The following PPP1R13B variants were observed in gnomAD, a reference collection of about 807,000 sequenced individuals.
The protein encoded by PPP1R13B is protein phosphatase 1 regulatory subunit 13B.
A neutral mutation model predicts 119.8 loss-of-function variants in PPP1R13B; 44 were observed. The observed-to-expected ratio is 0.37, with a 90% CI of 0.29 to 0.47. PPP1R13B has a LOEUF of 0.47. Among genes scored for constraint, PPP1R13B ranks in the 20% least tolerant of loss-of-function variants. The probability of loss-of-function intolerance (pLI) is 0.99; values close to 1 mark genes in which losing one functional copy is unlikely to be tolerated. For missense variants in PPP1R13B, 1,227 were observed against 1,413.5 expected, an observed-to-expected ratio of 0.87 and a Z score of 2.12; for synonymous variants, 542 against 561.5, an observed-to-expected ratio of 0.97 and a Z score of 0.49.
intron 1 of PPP1R13B, among the ~76,000 whole-genome samples, chr14:103,824,369 C>T (rs2086486788): frequency 6.8e-6 from 1 of 147,372 alleles, no homozygotes; most frequent in South Asian, 2.2e-4. Context: ...AAGGCTATTT[C>T]TCTATATGAT....
At chr14:103,847,576 G>A (rs1357974044), upstream of PPP1R13B, 30 of 984,598 alleles carry the variant, frequency 3.0e-5, no homozygotes, top group South Asian at 1.1e-3. Flanking sequence ...CCGACAGCCT[G>A]CGGCCCGCCC....
At chr14:103,848,263 T>C, upstream of PPP1R13B, 1 of 985,418 alleles carries the variant, frequency 1.0e-6, no homozygotes, top group Non-Finnish European at 1.2e-6. Flanking sequence ...CTGTGCCACC[T>C]GTGCCCACCT....
chr14:103,805,268 G>A (rs1195652283), intron 1 of PPP1R13B, among the ~76,000 whole-genome samples: 1 of 152,094 alleles, frequency 6.6e-6, no homozygotes, highest in Non-Finnish European at 1.5e-5. Flanking sequence ...ACTGTTCATA[G>A]TAGCCAAAAA....
chr14:103,770,003 C>T (rs1425072611), intron 4 of PPP1R13B, among the ~76,000 whole-genome samples: 1 of 152,048 alleles, frequency 6.6e-6, no homozygotes, highest in Admixed American at 6.5e-5. Context: ...ATACTAGCTC[C>T]CTATCCCCTG....
rs376523055 is a variant in PPP1R13B at position 103,742,202 on chromosome 14, A to G, written c.1410T>C (p.Pro470=). The G allele has an allele frequency of 7.0e-5, 113 of 1,603,362 alleles. No homozygotes were observed. Among genetic ancestry groups the G allele is most frequent in the Non-Finnish European group, 9.4e-5 (111 of 1,179,904 alleles). The change falls in exon 11 of 17, where the codon CCT becomes CCC. Residue 470 remains proline (P), a synonymous_variant. Transcript: ENST00000202556. The surrounding 1 kb of genome is among the most constrained non-coding windows in gnomAD (Gnocchi z 4.9). ...PSYGTYPSPT[P]LGPGSTSSLE... is the part of the protein sequence containing the mutation. The stretch of plus-strand genomic sequence containing the variant: ...GGGAGCTTGTCGACCCAGGACCCAG[A>G]GGTGTAGGACTTGGGTATGTCCCAT...
At chr14:103,791,812 T>C (rs1379517079) in intron 2 of PPP1R13B, among the ~76,000 whole-genome samples, 1 of 152,236 alleles carries the variant, frequency 6.6e-6, no homozygotes, top group Non-Finnish European at 1.5e-5. Context: ...TATACACATA[T>C]GCCTATAAAA....
rs139396834 is a variant in PPP1R13B, at chr14:103,844,124, G to A, written c.9+3175C>T. 6.2e-3 allele frequency among the ~76,000 whole-genome samples: 936 copies of A among 151,882 alleles called. 10 individuals are homozygous for A. The highest frequency in any genetic ancestry group is 0.02 in the Admixed American group (312 of 15,234). On this transcript the variant is annotated intron_variant, in intron 1 of 16. Transcript: ENST00000202556. ...TCTACTAAAAATACAAAAATTAGCC[G>A]TTTGCCGTGGCGTGTGTCTGTGGTC...
At chr14:103,811,893 A>G (rs796615801) in intron 1 of PPP1R13B, among the ~76,000 whole-genome samples, 1 of 150,786 alleles carries the variant, frequency 6.6e-6, no homozygotes, top group African/African-American at 2.4e-5. Flanking sequence ...CGTCTCTACT[A>G]AAAATACAAA....
At position 103,780,485 on chromosome 14, in the gene PPP1R13B, C is replaced by CAA. The variant is rs34274916; in HGVS notation, c.278-1666_278-1665dup. On this transcript the variant is annotated intron_variant, in intron 3 of 16. Coordinates refer to ENST00000202556, the MANE Select transcript of PPP1R13B (RefSeq NM_015316.3). ...CTGGGTAACAAGTGAAACCCTGTCT[C>CAA]AAAAAAAAAAAAAAAAAAAAAAAAA... 5.4e-3 allele frequency among the ~76,000 whole-genome samples: 197 copies of CAA among 36,206 alleles called. 16 individuals carry two copies. The highest frequency in any genetic ancestry group is 0.017 in the South Asian group (10 of 606). The allele number at this position is 36,206 out of a possible 152,430, so 23.8% of individuals were successfully genotyped here.
At chr14:103,778,992 T>C (rs1019334761) in intron 3 of PPP1R13B, among the ~76,000 whole-genome samples, 171 bp from the exon 4 acceptor site, 3 of 152,192 alleles carry the variant, frequency 2.0e-5, no homozygotes, top group Non-Finnish European at 4.4e-5. Flanking sequence ...ATCTTTTATA[T>C]ATAAAGTTGT....
At chr14:103,834,489 T>A (rs1423656865) in intron 1 of PPP1R13B, among the ~76,000 whole-genome samples, 1 of 151,656 alleles carries the variant, frequency 6.6e-6, no homozygotes, top group East Asian at 1.9e-4. Flanking sequence ...TTCAGCTGAC[T>A]GACAGGACAC....
At chr14:103,786,725 A>G (rs1055675773) in intron 2 of PPP1R13B, among the ~76,000 whole-genome samples, 3 of 139,774 alleles carry the variant, frequency 2.1e-5, no homozygotes, top group Non-Finnish European at 4.5e-5. Context: ...AGATCGCACC[A>G]TTACACTGCA....
Position 103,847,548 on chromosome 14 carries a change from C to G in PPP1R13B, c.-241G>C. 2.0e-6 allele frequency: 2 copies of G among 986,912 alleles called. No individual in the cohort carries two copies. Among genetic ancestry groups the G allele is most frequent in the South Asian group, 9.0e-5 (2 of 22,158 alleles). The allele number at this position is 986,912 out of a possible 1,614,324, so 61.1% of individuals were successfully genotyped here. ...CCGCCGCCGCCGCCTCAACCTCAGC[C>G]TCAGCCTCAGCCCCAGCCCGACAGC... On this transcript the variant is annotated 5_prime_UTR_variant, in exon 1 of 17. Transcript: ENST00000202556.
At chr14:103,847,071 C>A in intron 1 of PPP1R13B, 2 of 1,010,898 alleles carry the variant, frequency 2.0e-6, no homozygotes, top group Non-Finnish European at 2.4e-6. Context: ...CCGCGGAGGC[C>A]GAGCAGGAAG....
chr14:103,847,088 CAGGCGGCCCCGG>C, intron 1 of PPP1R13B, 199 bp downstream of exon 1: 1 of 992,744 alleles, frequency 1.0e-6, no homozygotes. Context: ...GAAGGGCCCG[CAGGCGGCCCCGG>C]CCCCGCGCTG....
Position 103,736,212 on chromosome 14 carries a change from G to A in PPP1R13B, c.3032-10C>T. 1 of 1,612,266 alleles carries A rather than the reference G, an allele frequency of 6.2e-7. No individual in the cohort carries two copies. The highest frequency in any genetic ancestry group is 2.2e-5 in the East Asian group (1 of 44,874). ...AGCTTTTCCTGCACCCCTGGAGCCA[G>A]AGAGCAATGGTCAGGCCTCAGCAGA... On this transcript the variant is annotated splice_polypyrimidine_tract_variant and intron_variant, in intron 15 of 16. Transcript: ENST00000202556.
chr14:103,846,928 G>C, intron 1 of PPP1R13B: 1 of 1,160,840 alleles, frequency 8.6e-7, no homozygotes, highest in Non-Finnish European at 1.1e-6. Flanking sequence ...CGACTCCCAG[G>C]GCGACCCCAG....
chr14:103,835,425 CTTTTTT>C (rs71126076), intron 1 of PPP1R13B, among the ~76,000 whole-genome samples: 1 of 125,338 alleles, frequency 8.0e-6, no homozygotes, highest in Non-Finnish European at 1.7e-5. Context: ...GCGCCCAGCA[CTTTTTT>C]TTTTTTTTTT....
At chr14:103,800,221 T>C (rs1339610576) in intron 1 of PPP1R13B, among the ~76,000 whole-genome samples, 1 of 151,584 alleles carries the variant, frequency 6.6e-6, no homozygotes. Flanking sequence ...GAGGCTGAGG[T>C]GGGAGGATCA....
Sources: allele counts gnomAD v4.1 joint callset (sites outside exome capture counted in the v4.1 genomes callset), GRCh38; gene constraint gnomAD v4.1.1; non-coding constraint Gnocchi (gnomAD v3.1); transcripts MANE v1.5; gene names NCBI Gene and HGNC (gene_info 2026-07-23, HGNC 2026-07-21).